The following ADGRE5 variants were observed in gnomAD, a reference collection of about 807,000 sequenced individuals.
ADGRE5 encodes the protein CD97 molecule.
Under a neutral mutation model 100.3 loss-of-function variants are expected in ADGRE5, and 72 were observed. The ratio of observed to expected loss-of-function variants is 0.72; its 90% CI spans 0.59 to 0.87. The LOEUF (loss-of-function observed/expected upper bound fraction) is 0.87, where lower values mean the gene tolerates loss of function less well. Among genes scored for constraint, ADGRE5 ranks in the 40% least tolerant of loss-of-function variants. The pLI is 0.00. For missense variants in ADGRE5, 959 were observed against 1,094.7 expected (o/e 0.88, Z 1.75); for synonymous variants, 439 against 447.8 (o/e 0.98, Z 0.25).
chr19:14,407,767 C>A, intron 18 of ADGRE5, 141 bp from the exon 19 acceptor site: 2 of 685,100 alleles, frequency 2.9e-6, no homozygotes, highest in Non-Finnish European at 5.1e-6. Context: ...TACACTCCAG[C>A]CTGGGTGACA....
Position 14,401,295 on chromosome 19 carries a change from G to C in ADGRE5, c.898-91G>C, listed in dbSNP as rs1975998722. On this transcript the variant is annotated intron_variant, in intron 9 of 19. Coordinates refer to ENST00000242786, the MANE Select transcript of ADGRE5 (RefSeq NM_078481.4). The surrounding 1 kb of genome is among the most constrained non-coding windows in gnomAD (Gnocchi z 4.1). Reference sequence around the variant, plus strand: ...ATTCCCTTGTGCCTGTGGGTCTCCAGTGTGTCCCCTGGTAGGGGGTGACAT... The same window carrying C: ...ATTCCCTTGTGCCTGTGGGTCTCCACTGTGTCCCCTGGTAGGGGGTGACAT... The C allele has an allele frequency of 6.3e-6, 7 of 1,113,216 alleles. No homozygotes were observed. The highest frequency in any genetic ancestry group is 3.1e-5 in the African/African-American group (2 of 63,872). The allele number at this position is 1,113,216 out of a possible 1,614,324, so 69.0% of individuals were successfully genotyped here.
At position 14,391,024 on chromosome 19, in the gene ADGRE5, T is replaced by C. The variant is rs766417641; in HGVS notation, c.291T>C (p.Tyr97=). Residue 97 remains tyrosine, a synonymous_variant, in exon 4 of 20, where the codon TAT becomes TAC. Transcript: ENST00000242786. ...GSYDCVCSPG[Y]EPVSGAKTFK... is the part of the protein sequence containing the mutation. ...ACGACTGCGTGTGCAGCCCGGGATA[T>C]GAGCCTGTTTCTGGGGCAAAAACAT... The C allele has an allele frequency of 1.2e-5, 20 of 1,614,066 alleles. No homozygotes were observed. Among genetic ancestry groups the C allele is most frequent in the Non-Finnish European group, 1.7e-5 (20 of 1,180,040 alleles).
rs538504433 is a variant in ADGRE5, at chr19:14,388,737, G to A, written c.109G>A (p.Val37Ile). Residue 37 changes from valine to isoleucine, a missense_variant, in exon 3 of 20, where the codon GTC becomes ATC. Physicochemically the swap from Val to Ile is conservative, Grantham distance 29. Transcript: ENST00000242786. ...ARWCPQNSSC[V>I]NATACRCNPG... is the part of the protein sequence containing the mutation. The stretch of plus-strand genomic sequence containing the variant: ...GTGGTGCCCTCAGAACTCCTCGTGT[G>A]TCAATGCCACCGCCTGTCGCTGCAA... 21 of 1,613,842 alleles carry A rather than the reference G, an allele frequency of 1.3e-5. No individual in the cohort carries two copies. The highest frequency in any genetic ancestry group is 2.7e-5 in the African/African-American group (2 of 74,994).
In ADGRE5 at chr19:14,397,093, C is replaced by A; in HGVS notation, c.495C>A (p.Thr165=). 1.2e-6 allele frequency: 2 copies of A among 1,613,996 alleles called. No homozygotes were observed. Among genetic ancestry groups the A allele is most frequent in the Non-Finnish European group, 1.7e-6 (2 of 1,180,022 alleles). ...PKVCTDVNEC[T]SGQNPCHSST... The stretch of plus-strand genomic sequence containing the variant: ...TGTCCTCAGATGTGAATGAATGCAC[C>A]TCCGGACAAAACCCGTGCCACAGCT... Residue 165 remains threonine (T), a synonymous_variant, in exon 6 of 20, where the codon ACC becomes ACA. Transcript: ENST00000242786.
Position 14,405,806 on chromosome 19 carries a change from T to C in ADGRE5, c.1688T>C (p.Leu563Pro), listed in dbSNP as rs771510225. 1.2e-6 allele frequency: 2 copies of C among 1,613,946 alleles called. No homozygotes were observed. Among genetic ancestry groups the C allele is most frequent in the South Asian group, 2.2e-5 (2 of 91,076 alleles). ...VGLALSLFCL[L>P]LCILTFLLVR... ...CTGGCGCTGTCACTCTTCTGCCTGC[T>C]GCTGTGCATCCTCACTTTCCTGCTG... Residue 563 changes from leucine to proline, a missense_variant, in exon 14 of 20, where the codon CTG (leucine) becomes CCG (proline). Physicochemically the swap from Leu to Pro is moderately conservative, Grantham distance 98 (BLOSUM62 -3). This residue lies in a region of ADGRE5 where 428 missense variants were observed against 386.2 expected (regional missense o/e 1.11). Coordinates refer to ENST00000242786, the MANE Select transcript of ADGRE5 (RefSeq NM_078481.4).
intron 1 of ADGRE5, among the ~76,000 whole-genome samples, chr19:14,382,564 A>G (rs1282947112): frequency 6.6e-6 from 1 of 152,176 alleles, no homozygotes; most frequent in Non-Finnish European, 1.5e-5. Context: ...TTAGGTAAAC[A>G]GCATTTTAAA....
chr19:14,408,098 A>G lies in ADGRE5; in HGVS notation c.2485A>G (p.Arg829Gly). Residue 829 changes from arginine (R) to glycine (G), a missense_variant, in exon 20 of 20, where the codon AGG becomes GGG. Physicochemically the swap from Arg to Gly is moderately radical, Grantham distance 125 (BLOSUM62 -2). Transcript: ENST00000242786. ...TCTGGGCTCTCCTCTCCAGGCCCTCAGGGCATCAGAGTCCGGCATATGAAG... is the reference window on the plus strand; with the variant it reads ...TCTGGGCTCTCCTCTCCAGGCCCTCGGGGCATCAGAGTCCGGCATATGAAG... ...GTGHNQTRAL[R>G]ASESGI 3 of 1,613,718 alleles carry G rather than the reference A, an allele frequency of 1.9e-6. No individual in the cohort carries two copies. Among genetic ancestry groups the G allele is most frequent in the Non-Finnish European group, 2.5e-6 (3 of 1,179,994 alleles).
At chr19:14,396,254 G>A (rs981330739) in intron 4 of ADGRE5, 88 bp from the exon 5 acceptor site, 1 of 1,611,086 alleles carries the variant, frequency 6.2e-7, no homozygotes, top group Non-Finnish European at 8.5e-7. Flanking sequence ...CCTTCCAGAT[G>A]CTTCCGTGCC....
intron 9 of ADGRE5, 103 bp downstream of exon 9, chr19:14,398,242 C>G (rs1975860250): frequency 1.0e-6 from 1 of 966,828 alleles, no homozygotes; most frequent in Non-Finnish European, 1.7e-6. Flanking sequence ...GGCCTCTAGT[C>G]AGAGACACAC....
chr19:14,387,351 T>C (rs887112186), intron 1 of ADGRE5, among the ~76,000 whole-genome samples: 1 of 151,920 alleles, frequency 6.6e-6, no homozygotes, highest in Non-Finnish European at 1.5e-5. Flanking sequence ...CTCGGGAGGC[T>C]GAGGCGGGGA....
At chr19:14,398,381 G>C (rs1248206232) in intron 9 of ADGRE5, 2 of 508,680 alleles carry the variant, frequency 3.9e-6, no homozygotes, top group East Asian at 3.5e-5. Flanking sequence ...TAAGAACCTG[G>C]AGTTGAGGCC....
rs775499930 is a variant in ADGRE5 at position 14,405,844 on chromosome 19, C to G, written c.1726C>G (p.Gln576Glu). 6.2e-7 allele frequency: 1 copy of G among 1,613,396 alleles called. No homozygotes were observed. The highest frequency in any genetic ancestry group is 8.5e-7 in the Non-Finnish European group (1 of 1,179,962). The change falls in exon 14 of 20, where the codon CAG (glutamine) becomes GAG (glutamate). Residue 576 changes from glutamine (Q) to glutamate (E), a missense_variant. This residue lies in a region of ADGRE5 where 428 missense variants were observed against 386.2 expected (regional missense o/e 1.11). Transcript: ENST00000242786. ...CACTTTCCTGCTGGTGCGGCCCATC[C>G]AGGGCTCGCGCACCACCATACACCT... ...ILTFLLVRPI[Q>E]GSRTTIHLHL... is the part of the protein sequence containing the mutation.
chr19:14,397,370 A>G, intron 6 of ADGRE5, 147 bp downstream of exon 6: 1 of 1,295,966 alleles, frequency 7.7e-7, no homozygotes, highest in Non-Finnish European at 1.1e-6. Flanking sequence ...AGATGAGAAA[A>G]GAGCAAGGGT....
Position 14,401,519 on chromosome 19 carries a change from G to A in ADGRE5, c.1031G>A (p.Ser344Asn), listed in dbSNP as rs559079747. 30 of 1,614,120 alleles carry A rather than the reference G, an allele frequency of 1.9e-5. No individual in the cohort carries two copies. In the South Asian group the frequency reaches 3.3e-4, roughly 18 times the overall value. Residue 344 changes from serine (S) to asparagine (N), a missense_variant, in exon 10 of 20, where the codon AGC becomes AAC. Coordinates refer to ENST00000242786, the MANE Select transcript of ADGRE5 (RefSeq NM_078481.4). This position sits in a 1 kb window ranked among gnomAD's most constrained non-coding sequence, Gnocchi z 4.1. ...GATATCATGAGGATCCTGGCCAAGAGCCTGCCTAAAGGCCCCTTCACCTAC... is the reference window on the plus strand; with the variant it reads ...GATATCATGAGGATCCTGGCCAAGAACCTGCCTAAAGGCCCCTTCACCTAC... ...LEDIMRILAK[S>N]LPKGPFTYIS...
rs1004819929 is a variant in ADGRE5 at position 14,408,573 on chromosome 19, C to T, written c.*452C>T. On this transcript the variant is annotated 3_prime_UTR_variant, in exon 20 of 20. Coordinates refer to ENST00000242786, the MANE Select transcript of ADGRE5 (RefSeq NM_078481.4). ...GCCCCATGGCGAGGCCCCTTGGGGCCACTGCCTGAGGCTCACGGTACAGAG... is the reference window on the plus strand; with the variant it reads ...GCCCCATGGCGAGGCCCCTTGGGGCTACTGCCTGAGGCTCACGGTACAGAG... 6.9e-6 allele frequency: 3 copies of T among 432,846 alleles called. No individual in the cohort carries two copies. The highest frequency in any genetic ancestry group is 5.9e-5 in the African/African-American group (3 of 51,262). The allele number at this position is 432,846 out of a possible 1,614,324, so 26.8% of individuals were successfully genotyped here. A position where few individuals can be genotyped will look rare whatever the true frequency, so the allele number is the denominator to read the frequency against.
chr19:14,402,925 C>A, intron 12 of ADGRE5, 63 bp downstream of exon 12: 1 of 1,539,436 alleles, frequency 6.5e-7, no homozygotes, highest in Non-Finnish European at 8.9e-7. Flanking sequence ...TGCTGGGCCT[C>A]TCTCTGGGAT....
In ADGRE5 at chr19:14,406,354, G is replaced by C; in HGVS notation, c.1845G>C (p.Val615=). ...AGGTGGGGCTGCGCTGCCGCCTGGT[G>C]GCCGGGCTGCTGCACTACTGTTTCC... ...GGQVGLRCRL[V]AGLLHYCFLA... The change falls in exon 15 of 20, where the codon GTG becomes GTC. Residue 615 remains valine, a synonymous_variant. Transcript: ENST00000242786. The surrounding 1 kb of genome is among the most constrained non-coding windows in gnomAD (Gnocchi z 6.0). 1 of 1,576,632 alleles carries C rather than the reference G, an allele frequency of 6.3e-7. No homozygotes were observed. Among genetic ancestry groups the C allele is most frequent in the Non-Finnish European group, 8.6e-7 (1 of 1,163,188 alleles).
chr19:14,381,664 A>G (rs1429143657), intron 1 of ADGRE5, 119 bp downstream of exon 1: 5 of 1,225,644 alleles, frequency 4.1e-6, no homozygotes, highest in South Asian at 1.5e-5. Flanking sequence ...AGGAAGCCAC[A>G]TGGTCAAGCA....
At chr19:14,395,027 G>A (rs902375713) in intron 4 of ADGRE5, among the ~76,000 whole-genome samples, 1 of 152,212 alleles carries the variant, frequency 6.6e-6, no homozygotes, top group Non-Finnish European at 1.5e-5. Context: ...AGGGCTGGGT[G>A]CCGTGACTCA....
Sources: gnomAD v4.1 joint callset for allele counts (sites outside exome capture counted in the v4.1 genomes callset) on GRCh38, gnomAD v4.1.1 for gene constraint, gnomAD v4.1.1 regional missense constraint, Gnocchi (gnomAD v3.1) non-coding constraint, MANE v1.5 for transcripts, NCBI Gene and HGNC (gene_info 2026-07-23, HGNC 2026-07-21) for gene names.